Variants in NAAA observed in about 807,000 individuals in gnomAD.
The protein encoded by NAAA is N-acylethanolamine-hydrolyzing acid amidase.
NAAA carries 39 observed loss-of-function variants against 44.8 expected under a neutral mutation model. The ratio of observed to expected loss-of-function variants is 0.87; its 90% confidence interval spans 0.67 to 1.14. The LOEUF (loss-of-function observed/expected upper bound fraction) is 1.14, where lower values mean the gene tolerates loss of function less well. Among genes scored for constraint, NAAA ranks in the 50% most tolerant of loss-of-function variants. The pLI is 0.00. For missense variants in NAAA, 460 were observed against 467.8 expected (o/e 0.98, Z 0.15); for synonymous variants, 178 against 191.3 (o/e 0.93, Z 0.58).
At chr4:75,934,284 G>A (rs549561409) in intron 3 of NAAA, among the ~76,000 whole-genome samples, 1 of 151,784 alleles carries the variant, frequency 6.6e-6, no homozygotes, top group Non-Finnish European at 1.5e-5. Context: ...CAGGGCTGCT[G>A]GGGGGATCGA....
At chr4:75,913,585 G>A (rs1578027330), downstream of NAAA, 1 of 731,852 alleles carries the variant, frequency 1.4e-6, no homozygotes, top group Non-Finnish European at 1.7e-6. Context: ...AACTAAGAGA[G>A]TTGCTTTCTC....
intron 5 of NAAA, among the ~76,000 whole-genome samples, chr4:75,923,463 G>A (rs996594863): frequency 1.2e-4 from 19 of 152,086 alleles, no homozygotes; most frequent in Admixed American, 5.9e-4. Flanking sequence ...ACGGGTGAAT[G>A]CCAGCAGCTG....
intron 4 of NAAA, 113 bp downstream of exon 4, chr4:75,931,101 G>T: frequency 1.3e-6 from 1 of 755,820 alleles, no homozygotes; most frequent in Non-Finnish European, 2.2e-6. Flanking sequence ...TAGGATGGAA[G>T]TCCCTGCCAC....
At chr4:75,939,841 C>T in intron 2 of NAAA, 160 bp downstream of exon 2, 1 of 741,964 alleles carries the variant, frequency 1.3e-6, no homozygotes, top group Non-Finnish European at 2.2e-6. Context: ...CGATGTGCAG[C>T]TCAGATTTAC....
chr4:75,925,666 T>C (rs575936409), intron 5 of NAAA, 69 bp downstream of exon 5: 1 of 1,459,808 alleles, frequency 6.9e-7, no homozygotes, highest in African/African-American at 1.4e-5. Flanking sequence ...AGCAACATTG[T>C]TAAATGACAC....
At position 75,913,682 on chromosome 4, in the gene NAAA, T is replaced by A; in HGVS notation, c.*693A>T. 2 of 982,484 alleles carry A rather than the reference T, an allele frequency of 2.0e-6. No individual in the cohort carries two copies. The highest frequency in any genetic ancestry group is 2.4e-6 in the Non-Finnish European group (2 of 827,298). The allele number at this position is 982,484 out of a possible 1,614,324, so 60.9% of individuals were successfully genotyped here. Reference sequence around the variant, plus strand: ...AAGTTTCTTGGAAATTTTTTTATTCTCCTTGCCAACATTTCTTTTGACATT... The same window carrying A: ...AAGTTTCTTGGAAATTTTTTTATTCACCTTGCCAACATTTCTTTTGACATT... On this transcript the variant is annotated 3_prime_UTR_variant, in exon 11 of 11. Coordinates refer to ENST00000286733, the MANE Select transcript of NAAA (RefSeq NM_014435.4).
At chr4:75,929,903 A>C (rs1232368185) in intron 4 of NAAA, among the ~76,000 whole-genome samples, 1 of 152,146 alleles carries the variant, frequency 6.6e-6, no homozygotes, top group Non-Finnish European at 1.5e-5. Flanking sequence ...CAGCCTGGCC[A>C]ACATGGTGAA....
Position 75,920,759 on chromosome 4 carries a change from G to A in NAAA, c.881C>T (p.Ala294Val). Residue 294 changes from alanine (A) to valine (V), a missense_variant, in exon 7 of 11, where the codon GCA becomes GTA. Transcript: ENST00000286733. ...CTACCTCCGGTCATCTTCCTTGGGT[G>A]CTGGCTTCCAGTGGTCGTAATTTGT... ...VETNYDHWKP[A>V]PKEDDRRTSA... 1 of 1,614,206 alleles carries A rather than the reference G, an allele frequency of 6.2e-7. No homozygotes were observed. The highest frequency in any genetic ancestry group is 8.5e-7 in the Non-Finnish European group (1 of 1,180,030).
At chr4:75,931,455 C>A in intron 3 of NAAA, 151 bp from the exon 4 acceptor site, 1 of 519,900 alleles carries the variant, frequency 1.9e-6, no homozygotes, top group Non-Finnish European at 3.4e-6. Context: ...GACAGAGGTT[C>A]TTAACCTTAA....
rs564065791 is a variant in NAAA at position 75,921,303 on chromosome 4, A to T, written c.667-180T>A. Among the ~76,000 whole-genome samples, 5 of 152,372 alleles carry T rather than the reference A, an allele frequency of 3.3e-5. No individual in the cohort carries two copies. The South Asian group carries it at 1.0e-3, about 32-fold the overall frequency. On this transcript the variant is annotated intron_variant, in intron 5 of 10. Transcript: ENST00000286733. ...CTAAGATGGAAGAAATTTCAGCTTC[A>T]AAGCGGAGCCAGGAGCAGCAGGAAA...
chr4:75,940,319 T>C, intron 1 of NAAA, 154 bp from the exon 2 acceptor site: 2 of 526,278 alleles, frequency 3.8e-6, no homozygotes, highest in Non-Finnish European at 6.0e-6. Flanking sequence ...CGTCACTCAA[T>C]CTGCAGCCTC....
chr4:75,933,953 A>C (rs111981122), intron 3 of NAAA, among the ~76,000 whole-genome samples: 30,926 of 151,274 alleles, frequency 0.2, 3,588 homozygotes, highest in East Asian at 0.33. Context: ...TTGCTTGAAC[A>C]TGGGAGGCAG....
intron 4 of NAAA, among the ~76,000 whole-genome samples, chr4:75,929,599 T>C (rs1264691790): frequency 6.6e-6 from 1 of 152,232 alleles, no homozygotes; most frequent in African/African-American, 2.4e-5. Context: ...CATGTAATTA[T>C]AGGCATTCTA....
intron 8 of NAAA, 157 bp downstream of exon 8, chr4:75,919,736 CCAAAGTGCTGGGATTA>C: frequency 1.5e-6 from 1 of 656,174 alleles, no homozygotes; most frequent in South Asian, 1.9e-5. Context: ...CCTAGGCCTC[CCAAAGTGCTGGGATTA>C]CAGGTGTGAG....
At chr4:75,929,446 A>G (rs1242190310) in intron 4 of NAAA, among the ~76,000 whole-genome samples, 1 of 152,324 alleles carries the variant, frequency 6.6e-6, no homozygotes, top group East Asian at 1.9e-4. Flanking sequence ...CCTGGCTAAA[A>G]GCAGTTTGAC....
chr4:75,925,893 A>C, intron 4 of NAAA, 82 bp from the exon 5 acceptor site: 1 of 1,286,200 alleles, frequency 7.8e-7, no homozygotes. Context: ...TAGCAAGGAA[A>C]TATAGAGAGA....
At chr4:75,918,314 G>C (rs536476344) in intron 9 of NAAA, among the ~76,000 whole-genome samples, 1 of 152,112 alleles carries the variant, frequency 6.6e-6, no homozygotes, top group Non-Finnish European at 1.5e-5. Flanking sequence ...AATTAGCTGG[G>C]CGTGGTGGCA....
At chr4:75,913,552 T>C (rs1725418133), downstream of NAAA, 1 of 483,934 alleles carries the variant, frequency 2.1e-6, no homozygotes, top group African/African-American at 2.1e-5. Flanking sequence ...TTCCCTTGAA[T>C]GCTGACACTT....
At chr4:75,915,452 A>G (rs910471658) in intron 9 of NAAA, among the ~76,000 whole-genome samples, 1 of 152,128 alleles carries the variant, frequency 6.6e-6, no homozygotes, top group Non-Finnish European at 1.5e-5. Flanking sequence ...CCTACCCACA[A>G]GGGCCTTACT....
Sources: gnomAD v4.1 joint callset for allele counts (sites outside exome capture counted in the v4.1 genomes callset) on GRCh38, gnomAD v4.1.1 for gene constraint, MANE v1.5 for transcripts, NCBI Gene and HGNC (gene_info 2026-07-23, HGNC 2026-07-21) for gene names.